CUEDC1: variants seen among roughly 807,000 people sequenced by gnomAD.
CUEDC1 encodes CUE domain containing 1.
Under a neutral mutation model 43.7 loss-of-function variants are expected in CUEDC1, and 30 were observed. The observed-to-expected ratio is 0.69, with a 90% CI of 0.51 to 0.93. CUEDC1 has a LOEUF of 0.93. Among genes scored for constraint, CUEDC1 ranks in the 40% least tolerant of loss-of-function variants. The pLI, the probability that CUEDC1 is intolerant of heterozygous loss-of-function variation, is 0.00. For missense variants in CUEDC1, 486 were observed against 549.0 expected (o/e 0.89, Z 1.15); for synonymous variants, 223 against 223.6 (o/e 1.00, Z 0.02).
rs1350611983 is a variant in CUEDC1 at position 57,954,991 on chromosome 17, G to T, written c.-316+234C>A. On this transcript the variant is annotated intron_variant, in intron 1 of 10. Transcript: ENST00000577830. The surrounding 1 kb of genome is among the most constrained non-coding windows in gnomAD (Gnocchi z 4.3). The stretch of plus-strand genomic sequence containing the variant: ...CGCCCGGGGCCCGGGATGAGGTGGG[G>T]GCTCGGGAAGGAAGGGCGGGCGGGG... Among the ~76,000 whole-genome samples the T allele has an allele frequency of 6.6e-6, 1 of 151,680 alleles. No homozygotes were observed. The highest frequency in any genetic ancestry group is 1.9e-4 in the East Asian group (1 of 5,134).
chr17:57,896,487 G>GGGGGGGGGGGGTGTGT (rs375270781), intron 1 of CUEDC1, among the ~76,000 whole-genome samples: 1 of 130,280 alleles, frequency 7.7e-6, no homozygotes, highest in Admixed American at 7.3e-5. Context: ...TGCATTATGG[G>GGGGGGGGGGGGTGTGT]GTGTGTGTGT....
At position 57,872,777 on chromosome 17, in the gene CUEDC1, C is replaced by G; in HGVS notation, c.670G>C (p.Glu224Gln). 1 of 1,614,236 alleles carries G rather than the reference C, an allele frequency of 6.2e-7. No homozygotes were observed. The change falls in exon 5 of 11, where the codon GAG (glutamate) becomes CAG (glutamine). Residue 224 changes from glutamate (E) to glutamine (Q), a missense_variant. Transcript: ENST00000577830. ...AMAGPGPGDQ[E>Q]SRWKQYLEDE... The stretch of plus-strand genomic sequence containing the variant: ...TCCAGGTACTGCTTCCAGCGGCTCT[C>G]CTGGTCTCCGGGCCCTGGCCCAGCC...
chr17:57,867,679 T>G (rs1568026096), intron 8 of CUEDC1: 1 of 569,670 alleles, frequency 1.8e-6, no homozygotes, highest in East Asian at 2.9e-5. Context: ...GCTGAGCCTC[T>G]GCTATCCTAG....
At chr17:57,866,347 G>T in intron 10 of CUEDC1, 127 bp downstream of exon 10, 1 of 722,488 alleles carries the variant, frequency 1.4e-6, no homozygotes, top group Non-Finnish European at 2.4e-6. Flanking sequence ...GGGAAGACAC[G>T]TGGGGCCTGT....
At chr17:57,882,974 A>G (rs73329862) in intron 2 of CUEDC1, among the ~76,000 whole-genome samples, 6,372 of 152,202 alleles carry the variant, frequency 0.042, 486 homozygotes, top group African/African-American at 0.15. Context: ...TTTGACTGCA[A>G]GGGGAGGATT....
At chr17:57,911,052 T>C (rs1222596269) in intron 1 of CUEDC1, among the ~76,000 whole-genome samples, 1 of 152,156 alleles carries the variant, frequency 6.6e-6, no homozygotes, top group Non-Finnish European at 1.5e-5. Context: ...CTCAGTCTCT[T>C]ATGTAAAGAT....
intron 5 of CUEDC1, among the ~76,000 whole-genome samples, chr17:57,872,028 G>T (rs1216319262): frequency 6.6e-6 from 1 of 152,204 alleles, no homozygotes; most frequent in Admixed American, 6.5e-5. Flanking sequence ...TCCACAACTT[G>T]CTCCTCCCCC....
intron 1 of CUEDC1, among the ~76,000 whole-genome samples, chr17:57,924,133 G>A (rs557414794): frequency 2.6e-5 from 4 of 151,198 alleles, no homozygotes; most frequent in Admixed American, 6.6e-5. Flanking sequence ...TTGAGACAGC[G>A]TCTCACTCTG....
chr17:57,933,456 C>T (rs916545034), intron 1 of CUEDC1, among the ~76,000 whole-genome samples: 1 of 152,250 alleles, frequency 6.6e-6, no homozygotes, highest in South Asian at 2.1e-4. Flanking sequence ...CATGAGCCCC[C>T]CTCCACCCCA....
intron 1 of CUEDC1, among the ~76,000 whole-genome samples, chr17:57,887,305 T>C (rs1597985065): frequency 6.6e-6 from 1 of 152,114 alleles, no homozygotes; most frequent in African/African-American, 2.4e-5. Flanking sequence ...GGCATGTAAA[T>C]CACTGCCAAG....
intron 1 of CUEDC1, among the ~76,000 whole-genome samples, chr17:57,893,217 G>T (rs1312539075): frequency 1.3e-5 from 2 of 152,140 alleles, no homozygotes; most frequent in African/African-American, 4.8e-5. Flanking sequence ...CTGCATTCTC[G>T]GCCAATTGTC....
At chr17:57,892,952 C>T in intron 1 of CUEDC1, among the ~76,000 whole-genome samples, 1 of 152,338 alleles carries the variant, frequency 6.6e-6, no homozygotes, top group Non-Finnish European at 1.5e-5. Context: ...ACCTCAGAAC[C>T]CTTTGCAACA....
chr17:57,952,571 A>C (rs2075017626), intron 1 of CUEDC1, among the ~76,000 whole-genome samples: 1 of 152,168 alleles, frequency 6.6e-6, no homozygotes, highest in African/African-American at 2.4e-5. Context: ...TGCAAGAGCC[A>C]GCAACACAGA....
chr17:57,904,170 T>C (rs907754824), intron 1 of CUEDC1, among the ~76,000 whole-genome samples: 1 of 152,036 alleles, frequency 6.6e-6, no homozygotes, highest in Non-Finnish European at 1.5e-5. Flanking sequence ...AAGACTGCCT[T>C]CCTGCACCCC....
intron 10 of CUEDC1, among the ~76,000 whole-genome samples, chr17:57,865,638 G>A (rs1187859126): frequency 2.0e-5 from 3 of 152,088 alleles, no homozygotes; most frequent in Admixed American, 6.5e-5. Flanking sequence ...TTCTCCCCAA[G>A]AGGGTGCACA....
chr17:57,940,820 A>G (rs562376431), intron 1 of CUEDC1, among the ~76,000 whole-genome samples: 6 of 152,342 alleles, frequency 3.9e-5, no homozygotes, highest in Admixed American at 3.9e-4. Context: ...TACCCTTAGG[A>G]AGCACCCTAT....
intron 1 of CUEDC1, among the ~76,000 whole-genome samples, chr17:57,896,366 AAT>A (rs1462928973): frequency 2.0e-5 from 3 of 152,236 alleles, no homozygotes; most frequent in South Asian, 4.1e-4. Context: ...CTCTCTATAT[AAT>A]GCTATTCAAT....
intron 1 of CUEDC1, among the ~76,000 whole-genome samples, chr17:57,951,464 C>T (rs1368526752): frequency 1.4e-5 from 2 of 146,376 alleles, no homozygotes; most frequent in Non-Finnish European, 3.0e-5. Flanking sequence ...GGAGTTGGAA[C>T]TTTTTTTTTT....
At chr17:57,876,881 T>C (rs373047114) in intron 3 of CUEDC1, among the ~76,000 whole-genome samples, 18 of 152,348 alleles carry the variant, frequency 1.2e-4, no homozygotes, top group African/African-American at 4.1e-4. Context: ...GGGTCTGTGC[T>C]AAGTGCTCCA....
Sources: gnomAD v4.1 joint callset for allele counts (sites outside exome capture counted in the v4.1 genomes callset) on GRCh38, gnomAD v4.1.1 for gene constraint, Gnocchi (gnomAD v3.1) non-coding constraint, MANE v1.5 for transcripts, NCBI Gene and HGNC (gene_info 2026-07-23, HGNC 2026-07-21) for gene names.